C11orf42: variants seen among roughly 807,000 people sequenced by gnomAD.
C11orf42 encodes uncharacterized protein C11orf42.
C11orf42 carries 24 observed loss-of-function variants against 27.9 expected under a neutral mutation model. The ratio of observed to expected loss-of-function variants is 0.86; its 90% CI spans 0.62 to 1.21. The LOEUF (loss-of-function observed/expected upper bound fraction) is 1.21. C11orf42 is among the 50% of genes most tolerant of loss of function. The probability of loss-of-function intolerance (pLI) is 0.00; values close to 1 mark genes in which losing one functional copy is unlikely to be tolerated. For missense variants in C11orf42, 455 were observed against 424.1 expected, an observed-to-expected ratio of 1.07 and a Z score of -0.64; for synonymous variants, 187 against 180.8, an observed-to-expected ratio of 1.03 and a Z score of -0.28.
intron 1 of C11orf42, among the ~76,000 whole-genome samples, chr11:6,208,902 C>T (rs758708794): frequency 6.6e-6 from 1 of 152,042 alleles, no homozygotes; most frequent in South Asian, 2.1e-4. Flanking sequence ...TGGCCAGGCG[C>T]GGTGGCTCAC....
intron 1 of C11orf42, among the ~76,000 whole-genome samples, chr11:6,206,364 G>A (rs780033369): frequency 2.6e-5 from 4 of 152,130 alleles, no homozygotes; most frequent in Non-Finnish European, 5.9e-5. Flanking sequence ...TTTGGATTTT[G>A]AGGCAAATTT....
In C11orf42 at chr11:6,210,963, G is replaced by T; in HGVS notation, c.923G>T (p.Gly308Val). 6.2e-7 allele frequency: 1 copy of T among 1,606,726 alleles called. No homozygotes were observed. The highest frequency in any genetic ancestry group is 1.1e-5 in the South Asian group (1 of 90,234). ...RSPPPGAQGG[G>V]PRDPDGHSMS... The stretch of plus-strand genomic sequence containing the variant: ...CCTCCACCAGGAGCCCAGGGTGGGG[G>T]CCCCAGGGACCCCGACGGGCACTCC... The change falls in exon 3 of 3, where the codon GGC becomes GTC. Residue 308 changes from glycine (G) to valine (V), a missense_variant. Physicochemically the swap from Gly to Val is moderately radical, Grantham distance 109. Coordinates refer to ENST00000316375, the MANE Select transcript of C11orf42 (RefSeq NM_173525.3). This position sits in a 1 kb window ranked among gnomAD's most constrained non-coding sequence, Gnocchi z 4.0.
Position 6,210,518 on chromosome 11 carries a change from A to C in C11orf42, c.741A>C (p.Glu247Asp). The C allele has an allele frequency of 1.9e-6, 3 of 1,613,756 alleles. No individual in the cohort carries two copies. The highest frequency in any genetic ancestry group is 2.5e-6 in the Non-Finnish European group (3 of 1,179,844). The change falls in exon 2 of 3, where the codon GAA (glutamate) becomes GAC (aspartate). Residue 247 changes from glutamate to aspartate, a missense_variant. Physicochemically the swap from Glu to Asp is conservative, Grantham distance 45 (BLOSUM62 2). Coordinates refer to ENST00000316375, the MANE Select transcript of C11orf42 (RefSeq NM_173525.3). This position sits in a 1 kb window ranked among gnomAD's most constrained non-coding sequence, Gnocchi z 4.0. Reference sequence around the variant, plus strand: ...CATCAGCACCTGCTGATACAACTGAAGCTGCTGATGTGCCCCCACCTGTCC... The same window carrying C: ...CATCAGCACCTGCTGATACAACTGACGCTGCTGATGTGCCCCCACCTGTCC... ...APTSAPADTT[E>D]AADVPPPVPA...
Position 6,210,994 on chromosome 11 carries a change from C to T in C11orf42, c.954C>T (p.Ser318=). 1 of 1,609,268 alleles carries T rather than the reference C, an allele frequency of 6.2e-7. No homozygotes were observed. Among genetic ancestry groups the T allele is most frequent in the Middle Eastern group, 1.7e-4 (1 of 6,040 alleles). Residue 318 remains serine, a synonymous_variant, in exon 3 of 3, where the codon TCC becomes TCT. Coordinates refer to ENST00000316375, the MANE Select transcript of C11orf42 (RefSeq NM_173525.3). This position sits in a 1 kb window ranked among gnomAD's most constrained non-coding sequence, Gnocchi z 4.0. Reference sequence around the variant, plus strand: ...GGGACCCCGACGGGCACTCCATGTCCCTGCCCCTGCTGCAGGGTCTATCCT... The same window carrying T: ...GGGACCCCGACGGGCACTCCATGTCTCTGCCCCTGCTGCAGGGTCTATCCT... ...GPRDPDGHSM[S]LPLLQGLSSE...
At chr11:6,208,345 A>G (rs1847002883) in intron 1 of C11orf42, among the ~76,000 whole-genome samples, 1 of 152,168 alleles carries the variant, frequency 6.6e-6, no homozygotes, top group Non-Finnish European at 1.5e-5. Flanking sequence ...GAGGTAAGAG[A>G]TATGGTATAA....
In C11orf42 at chr11:6,210,904, C is replaced by A. The variant is rs763232949; in HGVS notation, c.872-8C>A. 4 of 1,600,460 alleles carry A rather than the reference C, an allele frequency of 2.5e-6. No individual in the cohort carries two copies. The highest frequency in any genetic ancestry group is 1.3e-5 in the African/African-American group (1 of 74,168). On this transcript the variant is annotated splice_polypyrimidine_tract_variant and splice_region_variant and intron_variant, in intron 2 of 2. Coordinates refer to ENST00000316375, the MANE Select transcript of C11orf42 (RefSeq NM_173525.3). The surrounding 1 kb of genome is among the most constrained non-coding windows in gnomAD (Gnocchi z 4.0). ...GAGTCAAGCTGTGACTATCCCCAAC[C>A]CTGGCAGAGAACTGGCTCTTCAGCC...
rs746156263 is a variant in C11orf42, at chr11:6,211,057, A to T, written c.*15A>T. 1 of 1,608,794 alleles carries T rather than the reference A, an allele frequency of 6.2e-7. No individual in the cohort carries two copies. The highest frequency in any genetic ancestry group is 1.7e-5 in the Admixed American group (1 of 58,092). On this transcript the variant is annotated 3_prime_UTR_variant, in exon 3 of 3. Transcript: ENST00000316375. Reference sequence around the variant, plus strand: ...GTGACGACTGAAGCTGAAGCAAAAGATTCCGGGGGCAAAGCCCCCAAGATC... The same window carrying T: ...GTGACGACTGAAGCTGAAGCAAAAGTTTCCGGGGGCAAAGCCCCCAAGATC...
Position 6,210,129 on chromosome 11 carries a change from G to A in C11orf42, c.352G>A (p.Gly118Arg), listed in dbSNP as rs1162957930. 1 of 1,614,186 alleles carries A rather than the reference G, an allele frequency of 6.2e-7. No homozygotes were observed. Among genetic ancestry groups the A allele is most frequent in the South Asian group, 1.1e-5 (1 of 91,080 alleles). Residue 118 changes from glycine (G) to arginine (R), a missense_variant, in exon 2 of 3, where the codon GGA becomes AGA. Coordinates refer to ENST00000316375, the MANE Select transcript of C11orf42 (RefSeq NM_173525.3). This position sits in a 1 kb window ranked among gnomAD's most constrained non-coding sequence, Gnocchi z 4.0. ...CTATGAAGAGACGCGAATGTTGGATGGACAGCCCTGCAAGATCCGCCTACA... is the reference window on the plus strand; with the variant it reads ...CTATGAAGAGACGCGAATGTTGGATAGACAGCCCTGCAAGATCCGCCTACA... Reference protein sequence around the residue: ...RAYEETRMLDGQPCKIRLHMG... With the variant: ...RAYEETRMLDRQPCKIRLHMG...
chr11:6,208,157 T>C (rs536160824), intron 1 of C11orf42, among the ~76,000 whole-genome samples: 5 of 152,002 alleles, frequency 3.3e-5, no homozygotes, highest in Admixed American at 1.3e-4. Flanking sequence ...TTTCCAGGGT[T>C]ACCAACCCCA....
In C11orf42 at chr11:6,210,023, C is replaced by T; in HGVS notation, c.246C>T (p.Ser82=). 1.2e-6 allele frequency: 2 copies of T among 1,614,212 alleles called. No homozygotes were observed. The highest frequency in any genetic ancestry group is 2.2e-5 in the East Asian group (1 of 44,882). ...RALKPVGPLP[S]LLEQAGSEGA... is the part of the protein sequence containing the mutation. ...TGAAACCAGTGGGGCCACTACCAAGCCTCCTGGAGCAGGCAGGATCTGAGG... is the reference window on the plus strand; with the variant it reads ...TGAAACCAGTGGGGCCACTACCAAGTCTCCTGGAGCAGGCAGGATCTGAGG... Residue 82 remains serine, a synonymous_variant, in exon 2 of 3, where the codon AGC becomes AGT. Transcript: ENST00000316375. This position sits in a 1 kb window ranked among gnomAD's most constrained non-coding sequence, Gnocchi z 4.0.
At position 6,210,117 on chromosome 11, in the gene C11orf42, C is replaced by A. The variant is rs747279649; in HGVS notation, c.340C>A (p.Arg114=). 5 of 1,614,196 alleles carry A rather than the reference C, an allele frequency of 3.1e-6. No individual in the cohort carries two copies. The highest frequency in any genetic ancestry group is 4.2e-6 in the Non-Finnish European group (5 of 1,180,046). Reference sequence around the variant, plus strand: ...AGCAGAGAGAGCCTATGAAGAGACGCGAATGTTGGATGGACAGCCCTGCAA... The same window carrying A: ...AGCAGAGAGAGCCTATGAAGAGACGAGAATGTTGGATGGACAGCCCTGCAA... ...GRAERAYEET[R]MLDGQPCKIR... Residue 114 remains arginine (R), a synonymous_variant, in exon 2 of 3, where the codon CGA becomes AGA. Coordinates refer to ENST00000316375, the MANE Select transcript of C11orf42 (RefSeq NM_173525.3). The surrounding 1 kb of genome is among the most constrained non-coding windows in gnomAD (Gnocchi z 4.0).
intron 1 of C11orf42, among the ~76,000 whole-genome samples, chr11:6,208,209 CCA>C (rs113145388): frequency 4.7e-5 from 7 of 150,272 alleles, no homozygotes; most frequent in East Asian, 2.0e-4. Context: ...AACAAACAAA[CCA>C]CACACACACA....
chr11:6,206,922 T>G (rs547396631), intron 1 of C11orf42, among the ~76,000 whole-genome samples: 1 of 150,218 alleles, frequency 6.7e-6, no homozygotes, highest in East Asian at 2.0e-4. Flanking sequence ...AAGGATTAGG[T>G]CACCTTTAAG....
In C11orf42 at chr11:6,205,673, CTCA is replaced by C. The variant is rs984438744; in HGVS notation, c.62_64del (p.Ile21del). 1.2e-6 allele frequency: 2 copies of C among 1,613,620 alleles called. No individual in the cohort carries two copies. The highest frequency in any genetic ancestry group is 3.3e-5 in the Admixed American group (2 of 59,996). On this transcript the variant is annotated inframe_deletion, in exon 1 of 3. Coordinates refer to ENST00000316375, the MANE Select transcript of C11orf42 (RefSeq NM_173525.3). ...GGATGAAGCTGATGCCACCTGGACC[CTCA>C]TCAAGGATAAGGTAGGTAAAGTAAG...
At position 6,210,479 on chromosome 11, in the gene C11orf42, G is replaced by A. The variant is rs78170535; in HGVS notation, c.702G>A (p.Pro234=). ...TCAGACCCAACCTCAGCATCATGCC[G>A]CCTCTGGCCCCCACATCAGCACCTG... ...NWVRPNLSIM[P]PLAPTSAPAD... Residue 234 remains proline (P), a synonymous_variant, in exon 2 of 3, where the codon CCG becomes CCA. Transcript: ENST00000316375. The surrounding 1 kb of genome is among the most constrained non-coding windows in gnomAD (Gnocchi z 4.0). The A allele has an allele frequency of 1.0e-3, 1,659 of 1,613,712 alleles. 30 individuals are homozygous for A. In the East Asian group the frequency reaches 0.03, roughly 30 times the overall value.
rs563659191 is a variant in C11orf42 at position 6,210,603 on chromosome 11, T to G, written c.826T>G (p.Tyr276Asp). ...AGAGGACAAACCCACCAGATTCTCC[T>G]ACAAGGGCCGAAACCCCTTCTGGAG... ...GPEDKPTRFS[Y>D]KGRNPFWRGP... The change falls in exon 2 of 3, where the codon TAC becomes GAC. Residue 276 changes from tyrosine (Y) to aspartate (D), a missense_variant. Tyr to Asp is a radical substitution (Grantham distance 160). Coordinates refer to ENST00000316375, the MANE Select transcript of C11orf42 (RefSeq NM_173525.3). The surrounding 1 kb of genome is among the most constrained non-coding windows in gnomAD (Gnocchi z 4.0). 31 of 1,614,058 alleles carry G rather than the reference T, an allele frequency of 1.9e-5. No individual in the cohort carries two copies. In the South Asian group the frequency reaches 3.2e-4, roughly 17 times the overall value.
chr11:6,210,168 C>T lies in C11orf42; in HGVS notation c.391C>T (p.Arg131Cys), dbSNP rs750422937. ...GATCCGCCTACATATGGGTGACCTG[C>T]GCAAGAAGGTTGCCTTCCTGTTGCT... ...CKIRLHMGDL[R>C]KKVAFLLLPP... The change falls in exon 2 of 3, where the codon CGC (arginine) becomes TGC (cysteine). Residue 131 changes from arginine to cysteine, a missense_variant. Arg to Cys is a radical substitution (Grantham distance 180, BLOSUM62 -3). Transcript: ENST00000316375. This position sits in a 1 kb window ranked among gnomAD's most constrained non-coding sequence, Gnocchi z 4.0. 6 of 1,614,080 alleles carry T rather than the reference C, an allele frequency of 3.7e-6. No homozygotes were observed. The highest frequency in any genetic ancestry group is 2.2e-5 in the East Asian group (1 of 44,890).
chr11:6,210,669 G>A lies in C11orf42; in HGVS notation c.871+21G>A. The A allele has an allele frequency of 6.2e-7, 1 of 1,605,940 alleles. No individual in the cohort carries two copies. The highest frequency in any genetic ancestry group is 8.5e-7 in the Non-Finnish European group (1 of 1,175,110). On this transcript the variant is annotated intron_variant, in intron 2 of 2. Transcript: ENST00000316375. The surrounding 1 kb of genome is among the most constrained non-coding windows in gnomAD (Gnocchi z 4.0). ...GTCAGGTACTACTAGGGGAAATGAT[G>A]ATGAGATGGATGGGAGGGACAAAGT... is the stretch of plus-strand genomic sequence containing the variant.
chr11:6,209,767 C>G (rs1449865816), intron 1 of C11orf42, 83 bp from the exon 2 acceptor site: 7 of 1,357,380 alleles, frequency 5.2e-6, no homozygotes, highest in Non-Finnish European at 7.1e-6. Context: ...TGTAACTGAA[C>G]GTGAACCTGG....
Sources: gnomAD v4.1 joint callset for allele counts (sites outside exome capture counted in the v4.1 genomes callset) on GRCh38, gnomAD v4.1.1 for gene constraint, Gnocchi (gnomAD v3.1) non-coding constraint, MANE v1.5 for transcripts, NCBI Gene and HGNC (gene_info 2026-07-23, HGNC 2026-07-21) for gene names.